Variants in ZNF429 observed in about 807,000 individuals in gnomAD.
The protein encoded by ZNF429 is zinc finger protein 429.
In ZNF429, 53 loss-of-function variants were observed where a neutral mutation model predicts 56.8. That is an observed-to-expected ratio of 0.93 (90% CI 0.75 to 1.17). The LOEUF is 1.17. ZNF429 is among the 50% of genes most tolerant of loss of function. ZNF429 has a pLI of 0.00. For synonymous variants in ZNF429, 278 were observed against 264.7 expected (o/e 1.05, Z -0.49); for missense variants, 849 against 788.4 (o/e 1.08, Z -0.92).
At chr19:21,519,181 T>C (rs560447056) in intron 1 of ZNF429, among the ~76,000 whole-genome samples, 22 of 152,324 alleles carry the variant, frequency 1.4e-4, no homozygotes, top group African/African-American at 4.6e-4. Context: ...GGCTGACTTA[T>C]CCTAGAGGCA....
intron 1 of ZNF429, among the ~76,000 whole-genome samples, chr19:21,508,469 T>A (rs895497052): frequency 6.6e-6 from 1 of 152,162 alleles, no homozygotes; most frequent in Non-Finnish European, 1.5e-5. Context: ...ATCTGTTTTC[T>A]TATCAGCACT....
chr19:21,515,581 TTTG>T (rs2032701910), intron 1 of ZNF429, among the ~76,000 whole-genome samples: 1 of 152,138 alleles, frequency 6.6e-6, no homozygotes, highest in Non-Finnish European at 1.5e-5. Context: ...TTTTTTGTTT[TTTG>T]TTTTTTTGCT....
chr19:21,524,482 CA>C (rs1464703988), intron 1 of ZNF429, among the ~76,000 whole-genome samples: 1 of 151,680 alleles, frequency 6.6e-6, no homozygotes, highest in Non-Finnish European at 1.5e-5. Context: ...GAGCTGAGAT[CA>C]TGCCACTGCA....
chr19:21,534,452 C>T lies in ZNF429; in HGVS notation c.227-1828C>T. On this transcript the variant is annotated intron_variant, in intron 3 of 3. Coordinates refer to ENST00000358491, the MANE Select transcript of ZNF429 (RefSeq NM_001001415.4). ...GTACAGTGGCATGATTTTGGCTCAA[C>T]GCAGCCTCAACCTCCTGAGCTCAAG... Among the ~76,000 whole-genome samples the T allele has an allele frequency of 7.5e-5, 8 of 106,680 alleles. 1 individual carries two copies. The highest frequency in any genetic ancestry group is 6.9e-5 in the African/African-American group (2 of 28,900). 70.0% of individuals were successfully genotyped at this position (106,680 alleles called of 152,430 possible). A position where few individuals can be genotyped will look rare whatever the true frequency, so the allele number is the denominator to read the frequency against.
At chr19:21,512,487 C>G (rs977730494) in intron 1 of ZNF429, among the ~76,000 whole-genome samples, 1 of 151,666 alleles carries the variant, frequency 6.6e-6, no homozygotes, top group African/African-American at 2.4e-5. Context: ...TGATGAAACC[C>G]CATCTCTACT....
At chr19:21,526,642 A>T (rs61663351) in intron 1 of ZNF429, among the ~76,000 whole-genome samples, 3,711 of 152,344 alleles carry the variant, frequency 0.024, 137 homozygotes, top group African/African-American at 0.084. Flanking sequence ...ACCAGTGGCT[A>T]TAAATTAAAT....
rs764665760 is a variant in ZNF429, at chr19:21,505,756, C to T, written c.-16C>T. On this transcript the variant is annotated 5_prime_UTR_variant, in exon 1 of 4. Coordinates refer to ENST00000358491, the MANE Select transcript of ZNF429 (RefSeq NM_001001415.4). ...GATACACAGCTAAGACTCCAGGACC[C>T]CCTGGAAGCCTAGAAATGGTGAGAG... The T allele has an allele frequency of 1.5e-5, 24 of 1,610,612 alleles. No homozygotes were observed. Among genetic ancestry groups the T allele is most frequent in the East Asian group, 1.3e-4 (6 of 44,762 alleles).
chr19:21,537,924 A>C lies in ZNF429; in HGVS notation c.1871A>C (p.Glu624Ala), dbSNP rs888826823. Residue 624 changes from glutamate (E) to alanine (A), a missense_variant, in exon 4 of 4, where the codon GAA becomes GCA. Transcript: ENST00000358491. ...IHTREKPYKC[E>A]ECAKAFTRSS... is the part of the protein sequence containing the mutation. ...ACTAGAGAGAAACCTTACAAATGTG[A>C]AGAATGTGCCAAAGCTTTTACCCGG... 2 of 1,614,038 alleles carry C rather than the reference A, an allele frequency of 1.2e-6. No homozygotes were observed. The highest frequency in any genetic ancestry group is 2.7e-5 in the African/African-American group (2 of 75,022).
At chr19:21,505,947 G>A (rs954177623) in intron 1 of ZNF429, 173 bp downstream of exon 1, 2 of 611,476 alleles carry the variant, frequency 3.3e-6, no homozygotes, top group Admixed American at 5.8e-5. Flanking sequence ...CGACTGTGCT[G>A]ACAGCCGGGC....
rs922222400 is a variant in ZNF429 at position 21,522,551 on chromosome 19, C to G, written c.4-7107C>G. 5.3e-5 allele frequency among the ~76,000 whole-genome samples: 8 copies of G among 152,108 alleles called. 1 individual carries two copies. The highest frequency in any genetic ancestry group is 1.4e-4 in the African/African-American group (6 of 41,414). ...TGATATAAACATATTAGGTGCCAGC[C>G]AGGCTTTACTCTAGAGGGTACTTTT... is the stretch of plus-strand genomic sequence containing the variant. On this transcript the variant is annotated intron_variant, in intron 1 of 3. Transcript: ENST00000358491.
At chr19:21,533,632 G>T in intron 3 of ZNF429, among the ~76,000 whole-genome samples, 1 of 150,618 alleles carries the variant, frequency 6.6e-6, no homozygotes, top group East Asian at 1.9e-4. Flanking sequence ...TTCAAGGAAA[G>T]GACCCAACTT....
chr19:21,535,413 TTTCTTTCTTTCTTTCTTTC>T, intron 3 of ZNF429, among the ~76,000 whole-genome samples: 1 of 1,544 alleles, frequency 6.5e-4, no homozygotes, highest in Non-Finnish European at 1.2e-3. Flanking sequence ...TTCTTTTTCT[TTTCTTTCTTTCTTTCTTTC>T]TTTCTTTCTT....
chr19:21,522,136 C>T (rs1396543651), intron 1 of ZNF429, among the ~76,000 whole-genome samples: 1 of 152,212 alleles, frequency 6.6e-6, no homozygotes, highest in Non-Finnish European at 1.5e-5. Flanking sequence ...GCACCCCATC[C>T]AGCCATTTCT....
intron 1 of ZNF429, among the ~76,000 whole-genome samples, chr19:21,515,645 C>A (rs116094855): frequency 6.6e-6 from 1 of 151,996 alleles, no homozygotes; most frequent in African/African-American, 2.4e-5. Context: ...GCTTTTGTTG[C>A]AATTGCTTTT....
Position 21,536,663 on chromosome 19 carries a change from A to C in ZNF429, c.610A>C (p.Lys204Gln). The C allele has an allele frequency of 6.2e-7, 1 of 1,613,938 alleles. No homozygotes were observed. The highest frequency in any genetic ancestry group is 8.5e-7 in the Non-Finnish European group (1 of 1,179,930). ...TATTAGAGAGAATACCTACAGATGT[A>C]AAGAATTTGGCAATGCCTTTAATCA... is the stretch of plus-strand genomic sequence containing the variant. ...IHIRENTYRC[K>Q]EFGNAFNQSS... Residue 204 changes from lysine to glutamine, a missense_variant, in exon 4 of 4, where the codon AAA becomes CAA. Physicochemically the swap from Lys to Gln is moderately conservative, Grantham distance 53. Transcript: ENST00000358491.
At chr19:21,514,901 CATATATA>C (rs1400795612) in intron 1 of ZNF429, among the ~76,000 whole-genome samples, 2 of 143,482 alleles carry the variant, frequency 1.4e-5, no homozygotes, top group Admixed American at 7.0e-5. Context: ...GCCTGGCCAC[CATATATA>C]TTTTTATTTT....
intron 1 of ZNF429, among the ~76,000 whole-genome samples, chr19:21,506,534 G>T: frequency 6.6e-6 from 1 of 151,932 alleles, no homozygotes. Flanking sequence ...CCAGCTGTGG[G>T]ATGTAGTTTG....
chr19:21,531,130 C>CAAA, intron 3 of ZNF429, among the ~76,000 whole-genome samples: 9 of 113,128 alleles, frequency 8.0e-5, no homozygotes, highest in African/African-American at 1.9e-4. Flanking sequence ...AAAAAAAAAA[C>CAAA]CAAAAAAAAA....
At chr19:21,512,680 A>G (rs1023840558) in intron 1 of ZNF429, among the ~76,000 whole-genome samples, 1 of 151,628 alleles carries the variant, frequency 6.6e-6, no homozygotes, top group African/African-American at 2.4e-5. Context: ...AAAAAAAAAA[A>G]AAAAGGAGGA....
Sources: gnomAD v4.1 joint callset for allele counts (sites outside exome capture counted in the v4.1 genomes callset) on GRCh38, gnomAD v4.1.1 for gene constraint, MANE v1.5 for transcripts, NCBI Gene and HGNC (gene_info 2026-07-23, HGNC 2026-07-21) for gene names.